Variants in PSD2 observed in about 807,000 individuals in gnomAD.
PSD2 encodes PH and SEC7 domain-containing protein 2.
PSD2 carries 38 observed loss-of-function variants against 69.8 expected under a neutral mutation model. That is an observed-to-expected ratio of 0.54 (90% CI 0.42 to 0.71). The LOEUF is 0.71. PSD2 is among the 30% of genes least tolerant of loss of function. The probability of loss-of-function intolerance (pLI) is 0.00; values close to 1 mark genes in which losing one functional copy is unlikely to be tolerated. For missense variants in PSD2, 943 were observed against 1,014.5 expected, an observed-to-expected ratio of 0.93 and a Z score of 0.96; for synonymous variants, 412 against 423.0, an observed-to-expected ratio of 0.97 and a Z score of 0.32.
At chr5:139,773,133 A>G in the PSD2 span, among the ~76,000 whole-genome samples, 2 of 152,304 alleles carry the variant, frequency 1.3e-5, no homozygotes, top group Non-Finnish European at 2.9e-5. Flanking sequence ...CGTCACCACC[A>G]TCCATCTTTG....
the PSD2 span, among the ~76,000 whole-genome samples, chr5:139,782,182 T>G: frequency 6.6e-6 from 1 of 152,116 alleles, no homozygotes; most frequent in South Asian, 2.1e-4. Context: ...TTTTTTTGTT[T>G]GTTTATTTGT....
At chr5:139,784,409 G>C in the PSD2 span, among the ~76,000 whole-genome samples, 4 of 152,040 alleles carry the variant, frequency 2.6e-5, no homozygotes, top group Non-Finnish European at 5.9e-5. Flanking sequence ...TTGACATCTC[G>C]ATGGCCTCCT....
chr5:139,771,047 T>A, the PSD2 span, among the ~76,000 whole-genome samples: 2 of 152,268 alleles, frequency 1.3e-5, no homozygotes, highest in African/African-American at 4.8e-5. Context: ...TCATGACAAA[T>A]CTAGAGGCAG....
the PSD2 span, among the ~76,000 whole-genome samples, chr5:139,784,013 C>T: frequency 3.6e-5 from 5 of 139,748 alleles, no homozygotes; most frequent in African/African-American, 1.1e-4. Flanking sequence ...GGCATGATCT[C>T]GGCTCACTGC....
intron 7 of PSD2, 90 bp downstream of exon 7, chr5:139,822,874 A>G (rs1014289594): frequency 1.8e-5 from 21 of 1,170,252 alleles, no homozygotes; most frequent in Middle Eastern, 2.8e-4. Flanking sequence ...TCTCTTACTC[A>G]GTGGCCGGGC....
At chr5:139,783,284 T>TA in the PSD2 span, among the ~76,000 whole-genome samples, 235 of 151,820 alleles carry the variant, frequency 1.5e-3, 1 homozygote, top group East Asian at 0.023. Flanking sequence ...AAAATAAAAA[T>TA]AAAAAAAATT....
chr5:139,823,801 A>C (rs1230773278), intron 7 of PSD2, among the ~76,000 whole-genome samples: 1 of 152,222 alleles, frequency 6.6e-6, no homozygotes, highest in Non-Finnish European at 1.5e-5. Context: ...TTACTGTGAA[A>C]ATCGAACCAA....
chr5:139,773,988 T>C, the PSD2 span, among the ~76,000 whole-genome samples: 1 of 148,894 alleles, frequency 6.7e-6, no homozygotes, highest in Non-Finnish European at 1.5e-5. Context: ...CCCAATGACA[T>C]TGAGGGACAT....
chr5:139,753,818 G>GTT, the PSD2 span, among the ~76,000 whole-genome samples: 1 of 143,420 alleles, frequency 7.0e-6, no homozygotes, highest in Non-Finnish European at 1.5e-5. Context: ...TCCCAGAGTT[G>GTT]TTTTTTTTTT....
At chr5:139,807,775 G>T (rs1759849099) in intron 1 of PSD2, among the ~76,000 whole-genome samples, 1 of 152,172 alleles carries the variant, frequency 6.6e-6, no homozygotes, top group Admixed American at 6.5e-5. Context: ...GAATTCCTGA[G>T]AAGTGGACCC....
the PSD2 span, among the ~76,000 whole-genome samples, chr5:139,761,859 C>T: frequency 6.6e-6 from 1 of 152,096 alleles, no homozygotes; most frequent in Non-Finnish European, 1.5e-5. Context: ...CCCTGCCTGC[C>T]TTTTAAGGTG....
chr5:139,825,962 C>T (rs1045226163), intron 7 of PSD2, among the ~76,000 whole-genome samples: 3 of 152,144 alleles, frequency 2.0e-5, no homozygotes, highest in African/African-American at 4.8e-5. Context: ...GAGACTGCAA[C>T]GCATCCAGGG....
chr5:139,836,846 T>A lies in PSD2; in HGVS notation c.1439T>A (p.Leu480Gln). Residue 480 changes from leucine to glutamine, a missense_variant, in exon 10 of 15, where the codon CTG becomes CAG. By Grantham distance (113) the Leu-to-Gln change is moderately radical (BLOSUM62 -2). Around this residue, in one of 3 missense-constraint regions of PSD2, gnomAD observed 312 missense variants for 400.7 expected, o/e 0.78. Coordinates refer to ENST00000274710, the MANE Select transcript of PSD2 (RefSeq NM_032289.4). ...EDELRKSLSELVDDKFGTGTK... is the reference protein window; with the variant it reads ...EDELRKSLSEQVDDKFGTGTK... ...GAGCTGAGGAAATCCCTGTCTGAGC[T>A]GGTGGATGACAAGTTCGGGACAGGC... 1 of 1,614,186 alleles carries A rather than the reference T, an allele frequency of 6.2e-7. No homozygotes were observed. Among genetic ancestry groups the A allele is most frequent in the Non-Finnish European group, 8.5e-7 (1 of 1,180,016 alleles).
chr5:139,753,953 C>T, the PSD2 span, among the ~76,000 whole-genome samples: 1 of 152,198 alleles, frequency 6.6e-6, no homozygotes, highest in African/African-American at 2.4e-5. Flanking sequence ...TCTCCTGCCT[C>T]AGCCTCCCAA....
chr5:139,781,478 G>A, the PSD2 span, among the ~76,000 whole-genome samples: 2 of 151,840 alleles, frequency 1.3e-5, no homozygotes, highest in Non-Finnish European at 2.9e-5. Context: ...TGGGACTACA[G>A]GTGTCCGCCA....
the PSD2 span, among the ~76,000 whole-genome samples, chr5:139,751,906 C>G: frequency 6.6e-6 from 1 of 151,782 alleles, no homozygotes; most frequent in Non-Finnish European, 1.5e-5. Context: ...AATCCTCCCA[C>G]CTCAGCTTCC....
the PSD2 span, among the ~76,000 whole-genome samples, chr5:139,773,901 C>T: frequency 6.6e-6 from 1 of 152,052 alleles, no homozygotes; most frequent in South Asian, 2.1e-4. Context: ...TACTATTTTG[C>T]ATACTGGCTG....
At chr5:139,786,878 AG>A in the PSD2 span, among the ~76,000 whole-genome samples, 1 of 152,136 alleles carries the variant, frequency 6.6e-6, no homozygotes, top group Non-Finnish European at 1.5e-5. Flanking sequence ...ACAGATGTGG[AG>A]AAAGATCACA....
chr5:139,796,871 C>A (rs1463746320), intron 1 of PSD2, among the ~76,000 whole-genome samples: 2 of 152,204 alleles, frequency 1.3e-5, no homozygotes, highest in African/African-American at 4.8e-5. Context: ...AGACTCCTGG[C>A]AGCCTGGGGA....
Sources: allele counts gnomAD v4.1 joint callset (sites outside exome capture counted in the v4.1 genomes callset), GRCh38; gene constraint gnomAD v4.1.1; regional missense constraint gnomAD v4.1.1; transcripts MANE v1.5; gene names NCBI Gene and HGNC (gene_info 2026-07-23, HGNC 2026-07-21).